ARHGAP8: variants seen among roughly 807,000 people sequenced by gnomAD.
ARHGAP8 encodes Rho GTPase activating protein 8, also known as rho GTPase-activating protein 8.
A neutral mutation model predicts 46.1 loss-of-function variants in ARHGAP8; 62 were observed. The observed-to-expected ratio is 1.34, with a 90% CI of 1.10 to 1.66. The LOEUF is 1.66. Among genes scored for constraint, ARHGAP8 ranks in the 40% most tolerant of loss-of-function variants. The pLI, the probability that ARHGAP8 is intolerant of heterozygous loss-of-function variation, is 0.00. For synonymous variants in ARHGAP8, 375 were observed against 243.1 expected (o/e 1.54, Z -5.05); for missense variants, 923 against 568.4 (o/e 1.62, Z -6.34).
In ARHGAP8 at chr22:44,847,969, G is replaced by A; in HGVS notation, c.671-4G>A. On this transcript the variant is annotated splice_polypyrimidine_tract_variant and splice_region_variant and intron_variant, in intron 8 of 11. Transcript: ENST00000356099. ...TGAGATGCCTGGAAGCTCCTCTCCT[G>A]CAGGCCTGCGCACCGAGGGCCTGTT... is the stretch of plus-strand genomic sequence containing the variant. 1 of 1,606,812 alleles carries A rather than the reference G, an allele frequency of 6.2e-7. No individual in the cohort carries two copies. The highest frequency in any genetic ancestry group is 8.5e-7 in the Non-Finnish European group (1 of 1,179,896).
chr22:44,808,529 T>C, intron 4 of ARHGAP8, 91 bp downstream of exon 4: 2 of 1,542,798 alleles, frequency 1.3e-6, no homozygotes, highest in African/African-American at 2.8e-5. Flanking sequence ...GAGTGTGCAG[T>C]GGGGGAGGGG....
intron 7 of ARHGAP8, among the ~76,000 whole-genome samples, chr22:44,841,605 A>G (rs1931656781): frequency 6.6e-6 from 1 of 152,152 alleles, no homozygotes; most frequent in South Asian, 2.1e-4. Context: ...GCTGCATAAC[A>G]GTCTCACTGG....
intron 2 of ARHGAP8, among the ~76,000 whole-genome samples, chr22:44,793,686 GGCT>G (rs1476238055): frequency 6.6e-6 from 1 of 152,168 alleles, no homozygotes; most frequent in East Asian, 1.9e-4. Context: ...TCATAAACCA[GGCT>G]TCTCCTATTG....
intron 1 of ARHGAP8, among the ~76,000 whole-genome samples, chr22:44,763,550 A>G (rs1387391534): frequency 2.6e-5 from 4 of 151,586 alleles, no homozygotes; most frequent in Non-Finnish European, 4.4e-5. Context: ...TGACTGTCAT[A>G]CAGATGTAAA....
At chr22:44,812,483 A>T (rs1021781836) in intron 4 of ARHGAP8, among the ~76,000 whole-genome samples, 2 of 151,148 alleles carry the variant, frequency 1.3e-5, no homozygotes, top group African/African-American at 4.9e-5. Context: ...CAGCCTCCTG[A>T]GTGGCTGGGA....
chr22:44,795,882 C>T (rs73889773), intron 2 of ARHGAP8, among the ~76,000 whole-genome samples: 3,232 of 152,278 alleles, frequency 0.021, 109 homozygotes, highest in African/African-American at 0.072. Flanking sequence ...ACCGCAGCCC[C>T]ACTTGCCCAC....
At chr22:44,807,653 C>T (rs5766046) in intron 3 of ARHGAP8, among the ~76,000 whole-genome samples, 73,990 of 151,906 alleles carry the variant, frequency 0.49, 18,573 homozygotes, top group South Asian at 0.6. Flanking sequence ...ACCATGATCG[C>T]AAATGTGGTG....
At chr22:44,812,664 T>A (rs1266149929) in intron 4 of ARHGAP8, among the ~76,000 whole-genome samples, 1 of 152,094 alleles carries the variant, frequency 6.6e-6, no homozygotes, top group African/African-American at 2.4e-5. Context: ...CTCAGAGCCT[T>A]TTTAAAATTA....
chr22:44,818,447 T>A (rs1929901146), intron 5 of ARHGAP8, among the ~76,000 whole-genome samples: 1 of 100,666 alleles, frequency 9.9e-6, no homozygotes, highest in African/African-American at 9.3e-5. Flanking sequence ...GAGACTCCAG[T>A]CTCAAAAAAA....
chr22:44,857,326 A>C (rs1269448975), intron 10 of ARHGAP8, among the ~76,000 whole-genome samples: 2 of 152,142 alleles, frequency 1.3e-5, no homozygotes, highest in Admixed American at 1.3e-4. Context: ...TGTTCCAGCC[A>C]AGGGTACCTC....
At chr22:44,830,271 G>T (rs1005503524) in intron 7 of ARHGAP8, among the ~76,000 whole-genome samples, 13 of 151,832 alleles carry the variant, frequency 8.6e-5, no homozygotes, top group African/African-American at 3.1e-4. Flanking sequence ...TGATCCACCC[G>T]CCTCAGCTTC....
chr22:44,761,366 T>C (rs1925121275), intron 1 of ARHGAP8, among the ~76,000 whole-genome samples: 1 of 152,194 alleles, frequency 6.6e-6, no homozygotes, highest in African/African-American at 2.4e-5. Flanking sequence ...AGAAAATAAA[T>C]GGTTGTGTGT....
At chr22:44,811,974 G>C (rs1240237650) in intron 4 of ARHGAP8, among the ~76,000 whole-genome samples, 1 of 148,570 alleles carries the variant, frequency 6.7e-6, no homozygotes, top group Non-Finnish European at 1.5e-5. Flanking sequence ...TCCATCCTGG[G>C]CAACAGAGTG....
At chr22:44,855,251 C>T (rs1161927987) in intron 10 of ARHGAP8, among the ~76,000 whole-genome samples, 1 of 152,064 alleles carries the variant, frequency 6.6e-6, no homozygotes, top group Non-Finnish European at 1.5e-5. Context: ...GTCTCCTTCT[C>T]CTTGACCTCT....
chr22:44,859,706 A>C, intron 10 of ARHGAP8, 25 bp from the exon 11 acceptor site: 1 of 1,610,644 alleles, frequency 6.2e-7, no homozygotes, highest in Non-Finnish European at 8.5e-7. Flanking sequence ...TCTGGAGCTC[A>C]GCAGGGAGCC....
rs548683122 is a variant in ARHGAP8 at position 44,862,302 on chromosome 22, A to G, written c.1009A>G (p.Met337Val). Reference protein sequence around the residue: ...AVSRESIFNKMNSSNLACVFG... With the variant: ...AVSRESIFNKVNSSNLACVFG... The stretch of plus-strand genomic sequence containing the variant: ...GTCCCGGGAGAGCATCTTCAACAAA[A>G]TGAACAGCTCTAACCTGGCCTGTGT... The change falls in exon 12 of 12, where the codon ATG (methionine) becomes GTG (valine). Residue 337 changes from methionine (M) to valine (V), a missense_variant. By Grantham distance (21) the Met-to-Val change is conservative (BLOSUM62 1). Transcript: ENST00000356099. 2.5e-6 allele frequency: 4 copies of G among 1,599,526 alleles called. No homozygotes were observed. The African/African-American group carries it at 4.0e-5, about 16-fold the overall frequency.
At chr22:44,755,827 A>G (rs991757135) in intron 1 of ARHGAP8, among the ~76,000 whole-genome samples, 1 of 152,106 alleles carries the variant, frequency 6.6e-6, no homozygotes, top group Non-Finnish European at 1.5e-5. Flanking sequence ...AGGCGCTGCA[A>G]TGGTTAACAA....
Position 44,862,397 on chromosome 22 carries a change from G to T in ARHGAP8, c.1104G>T (p.Met368Ile). The T allele has an allele frequency of 6.2e-7, 1 of 1,614,130 alleles. No homozygotes were observed. The highest frequency in any genetic ancestry group is 8.5e-7 in the Non-Finnish European group (1 of 1,180,008). Residue 368 changes from methionine to isoleucine, a missense_variant, in exon 12 of 12, where the codon ATG becomes ATT. By Grantham distance (10) the Met-to-Ile change is conservative (BLOSUM62 1). Transcript: ENST00000356099. Reference protein sequence around the residue: ...SSLSALVPLNMFTELLIEYYE... With the variant: ...SSLSALVPLNIFTELLIEYYE... ...TGAGTGCCCTTGTGCCCCTGAACAT[G>T]TTCACTGAACTGCTGATCGAGTACT...
chr22:44,819,792 C>G (rs1201895535), intron 5 of ARHGAP8, among the ~76,000 whole-genome samples: 1 of 152,254 alleles, frequency 6.6e-6, no homozygotes, highest in African/African-American at 2.4e-5. Flanking sequence ...CACATTTTCC[C>G]CATTCCAAAG....
Sources: allele counts gnomAD v4.1 joint callset (sites outside exome capture counted in the v4.1 genomes callset), GRCh38; gene constraint gnomAD v4.1.1; transcripts MANE v1.5; gene names NCBI Gene and HGNC (gene_info 2026-07-23, HGNC 2026-07-21).